The following RAB5A variants were observed in gnomAD, a reference collection of about 807,000 sequenced individuals.
RAB5A encodes the protein RAB5A, member RAS oncogene family.
A neutral mutation model predicts 25.7 loss-of-function variants in RAB5A; 8 were observed. The observed-to-expected ratio is 0.31, with a 90% CI of 0.18 to 0.56. RAB5A has a LOEUF of 0.56. Ranked by LOEUF, RAB5A falls within the 20% of genes least tolerant of loss-of-function variation. The probability of loss-of-function intolerance (pLI) is 0.91; values close to 1 mark genes in which losing one functional copy is unlikely to be tolerated. For synonymous variants in RAB5A, 98 were observed against 89.8 expected, an observed-to-expected ratio of 1.09 and a Z score of -0.52; for missense variants, 192 against 259.7, an observed-to-expected ratio of 0.74 and a Z score of 1.79.
At position 19,976,109 on chromosome 3, in the gene RAB5A, T is replaced by C. The variant is rs201109703; in HGVS notation, c.378T>C (p.Ile126=). The change falls in exon 4 of 6, where the codon ATT becomes ATC. Residue 126 remains isoleucine (I), a synonymous_variant. Coordinates refer to ENST00000273047, the MANE Select transcript of RAB5A (RefSeq NM_004162.5). ...KELQRQASPN[I]VIALSGNKAD... is the part of the protein sequence containing the mutation. ...TTCAGAGGCAAGCAAGTCCTAACAT[T>C]GTAATAGCTTTATCGGGAAACAAGG... 1 of 1,613,144 alleles carries C rather than the reference T, an allele frequency of 6.2e-7. No individual in the cohort carries two copies. The highest frequency in any genetic ancestry group is 1.3e-5 in the African/African-American group (1 of 75,000).
chr3:19,969,911 C>T (rs1265293029), intron 2 of RAB5A, among the ~76,000 whole-genome samples: 2 of 152,164 alleles, frequency 1.3e-5, no homozygotes, highest in African/African-American at 2.4e-5. Context: ...TCAAGTGATT[C>T]TTCTGCCTCA....
At chr3:19,949,745 A>T (rs1353404219) in intron 1 of RAB5A, among the ~76,000 whole-genome samples, 4 of 152,232 alleles carry the variant, frequency 2.6e-5, no homozygotes, top group Non-Finnish European at 5.9e-5. Context: ...TTGTTTAAAT[A>T]AAAAATAATG....
intron 2 of RAB5A, among the ~76,000 whole-genome samples, chr3:19,963,671 G>T (rs184870122): frequency 6.6e-6 from 1 of 152,112 alleles, no homozygotes; most frequent in East Asian, 1.9e-4. Flanking sequence ...GAGAGACAAG[G>T]TCTTCCTCTG....
chr3:19,962,820 T>C (rs1485254659), intron 2 of RAB5A, among the ~76,000 whole-genome samples: 2 of 127,820 alleles, frequency 1.6e-5, no homozygotes, highest in Non-Finnish European at 3.3e-5. Flanking sequence ...CTCTTTTCTT[T>C]TTTGATTTTT....
intron 4 of RAB5A, among the ~76,000 whole-genome samples, chr3:19,977,706 C>A (rs1696848181): frequency 1.3e-5 from 2 of 152,146 alleles, no homozygotes; most frequent in South Asian, 4.1e-4. Flanking sequence ...TCAGTTGTTT[C>A]TTTGTCCAAT....
chr3:19,962,352 G>A (rs1260238047), intron 2 of RAB5A, among the ~76,000 whole-genome samples: 1 of 152,118 alleles, frequency 6.6e-6, no homozygotes, highest in South Asian at 2.1e-4. Context: ...GGCAGATCAC[G>A]AGGACAGGAG....
At chr3:19,983,164 C>A (rs1294327980) in intron 5 of RAB5A, among the ~76,000 whole-genome samples, 1 of 151,816 alleles carries the variant, frequency 6.6e-6, no homozygotes, top group Non-Finnish European at 1.5e-5. Context: ...TGGTGAAACC[C>A]CGTCTCTACT....
chr3:19,965,672 G>T (rs1010345898), intron 2 of RAB5A, among the ~76,000 whole-genome samples: 3 of 152,042 alleles, frequency 2.0e-5, no homozygotes, highest in African/African-American at 7.3e-5. Context: ...TATTCTTCAG[G>T]ATTTTAAATT....
At chr3:19,953,352 A>T (rs1045300287) in intron 2 of RAB5A, among the ~76,000 whole-genome samples, 1 of 151,052 alleles carries the variant, frequency 6.6e-6, no homozygotes, top group Non-Finnish European at 1.5e-5. Context: ...TTTCATTTCT[A>T]TGTGTAGAGC....
At chr3:19,961,277 A>C (rs1444898558) in intron 2 of RAB5A, among the ~76,000 whole-genome samples, 1 of 152,210 alleles carries the variant, frequency 6.6e-6, no homozygotes, top group African/African-American at 2.4e-5. Flanking sequence ...ATAAAGGTTA[A>C]GTATATGCTT....
chr3:19,956,335 C>T (rs1696501702), intron 2 of RAB5A, among the ~76,000 whole-genome samples: 1 of 152,028 alleles, frequency 6.6e-6, no homozygotes, highest in Non-Finnish European at 1.5e-5. Flanking sequence ...GTGCCTATAA[C>T]CCCAGCTACT....
intron 5 of RAB5A, among the ~76,000 whole-genome samples, chr3:19,983,403 GTAT>G (rs1696970422): frequency 2.0e-5 from 3 of 151,140 alleles, no homozygotes; most frequent in Non-Finnish European, 2.9e-5. Context: ...AACTTTTCTG[GTAT>G]TATTGAGTGA....
At chr3:19,968,296 A>T (rs1696689013) in intron 2 of RAB5A, among the ~76,000 whole-genome samples, 1 of 151,976 alleles carries the variant, frequency 6.6e-6, no homozygotes, top group African/African-American at 2.4e-5. Flanking sequence ...GACAGTCTAT[A>T]TTATTGTTTC....
chr3:19,966,014 C>A (rs1305157957), intron 2 of RAB5A, among the ~76,000 whole-genome samples: 1 of 152,214 alleles, frequency 6.6e-6, no homozygotes, highest in Non-Finnish European at 1.5e-5. Context: ...AGGTGTGAAC[C>A]ACTGCGCCTT....
At position 19,947,272 on chromosome 3, in the gene RAB5A, G is replaced by GTT. The variant is rs1696318928; in HGVS notation, c.-343_-342insTT. On this transcript the variant is annotated 5_prime_UTR_variant, in exon 1 of 6. Transcript: ENST00000273047. Reference sequence around the variant, plus strand: ...ATTAGTCGGAACTCCAGCGCCGGCGGCGGCGGCGGCGGCGGAGGAGGAGAA... The same window carrying GTT: ...ATTAGTCGGAACTCCAGCGCCGGCGGTTCGGCGGCGGCGGCGGAGGAGGAGAA... 1 of 206,256 alleles carries GTT rather than the reference G, an allele frequency of 4.8e-6. No individual in the cohort carries two copies. Among genetic ancestry groups the GTT allele is most frequent in the African/African-American group, 2.5e-5 (1 of 40,222 alleles). 12.8% of individuals were successfully genotyped at this position (206,256 alleles called of 1,614,324 possible).
At chr3:19,969,704 T>A (rs1048554722) in intron 2 of RAB5A, among the ~76,000 whole-genome samples, 2 of 152,340 alleles carry the variant, frequency 1.3e-5, no homozygotes, top group East Asian at 1.9e-4. Context: ...TGATAAATAA[T>A]AAGTTTGGGC....
At chr3:19,983,211 C>T (rs867508711) in intron 5 of RAB5A, among the ~76,000 whole-genome samples, 1 of 151,850 alleles carries the variant, frequency 6.6e-6, no homozygotes, top group Non-Finnish European at 1.5e-5. Flanking sequence ...TGGGGCATGC[C>T]TGTAATTCCA....
intron 2 of RAB5A, among the ~76,000 whole-genome samples, chr3:19,969,089 G>T (rs1285361218): frequency 3.9e-5 from 5 of 128,468 alleles, no homozygotes; most frequent in Non-Finnish European, 7.9e-5. Flanking sequence ...TTGTTGCCCA[G>T]ACTGGGGTGC....
At chr3:19,982,227 G>A (rs917631936) in intron 5 of RAB5A, among the ~76,000 whole-genome samples, 3 of 152,220 alleles carry the variant, frequency 2.0e-5, no homozygotes, top group Admixed American at 6.5e-5. Flanking sequence ...TACAGAGGGA[G>A]ACCTTGTCTC....
Sources: gnomAD v4.1 joint callset for allele counts (sites outside exome capture counted in the v4.1 genomes callset) on GRCh38, gnomAD v4.1.1 for gene constraint, MANE v1.5 for transcripts, NCBI Gene and HGNC (gene_info 2026-07-23, HGNC 2026-07-21) for gene names.